GSG1L: variants seen among roughly 807,000 people sequenced by gnomAD.
GSG1L encodes germ cell-specific gene 1-like protein.
Under a neutral mutation model 42.1 loss-of-function variants are expected in GSG1L, and 24 were observed. That is an observed-to-expected ratio of 0.57 (90% confidence interval 0.41 to 0.80). GSG1L has a LOEUF of 0.80. Among genes scored for constraint, GSG1L ranks in the 30% least tolerant of loss-of-function variants. The pLI is 0.00. For synonymous variants in GSG1L, 215 were observed against 203.5 expected, an observed-to-expected ratio of 1.06 and a Z score of -0.48; for missense variants, 445 against 472.2, an observed-to-expected ratio of 0.94 and a Z score of 0.53.
chr16:27,813,246 C>T (rs971113989), intron 5 of GSG1L, among the ~76,000 whole-genome samples: 2 of 152,134 alleles, frequency 1.3e-5, no homozygotes, highest in Middle Eastern at 3.2e-3. Context: ...CTCTTCCCAC[C>T]CTCCACCTTC....
intron 5 of GSG1L, among the ~76,000 whole-genome samples, chr16:27,812,312 C>G (rs1415892476): frequency 1.3e-5 from 2 of 152,072 alleles, no homozygotes; most frequent in African/African-American, 4.8e-5. Context: ...AAGTTTCAGG[C>G]CAGGAGGATA....
intron 1 of GSG1L, among the ~76,000 whole-genome samples, chr16:27,973,439 C>CA (rs71140935): frequency 0.062 from 1,858 of 29,834 alleles, 327 homozygotes; most frequent in Non-Finnish European, 0.083. Context: ...GACCCCATCA[C>CA]AAAAAAAAAA....
At chr16:28,046,318 A>G (rs188151505) in intron 1 of GSG1L, among the ~76,000 whole-genome samples, 8 of 147,168 alleles carry the variant, frequency 5.4e-5, no homozygotes, top group African/African-American at 2.0e-4. Flanking sequence ...AGTGTGCCAC[A>G]TGCATTGAGG....
chr16:27,906,115 A>T (rs1447639219), intron 2 of GSG1L, among the ~76,000 whole-genome samples: 5 of 148,632 alleles, frequency 3.4e-5, no homozygotes, highest in African/African-American at 7.5e-5. Context: ...TTTCAGGTTT[A>T]AAAAAAAAAG....
chr16:28,047,938 G>T (rs1360603037), intron 1 of GSG1L, among the ~76,000 whole-genome samples: 1 of 152,074 alleles, frequency 6.6e-6, no homozygotes, highest in East Asian at 1.9e-4. Context: ...CAATTTAGAG[G>T]CTGGGTGCAG....
intron 4 of GSG1L, among the ~76,000 whole-genome samples, chr16:27,843,711 G>A (rs1232072912): frequency 6.6e-6 from 1 of 152,078 alleles, no homozygotes; most frequent in Non-Finnish European, 1.5e-5. Context: ...CAGACTTTGT[G>A]GTAGCTCACT....
chr16:27,968,051 C>T (rs2085154554), intron 1 of GSG1L, among the ~76,000 whole-genome samples: 1 of 152,068 alleles, frequency 6.6e-6, no homozygotes, highest in Non-Finnish European at 1.5e-5. Context: ...ACACCCGAGG[C>T]CACATTAAAA....
chr16:27,801,384 A>G (rs1490486921), intron 6 of GSG1L, among the ~76,000 whole-genome samples: 3 of 152,220 alleles, frequency 2.0e-5, no homozygotes, highest in African/African-American at 7.2e-5. Flanking sequence ...ATGAGATGGC[A>G]GAGAAGTGCT....
At chr16:27,948,162 A>T (rs1371205698) in intron 2 of GSG1L, among the ~76,000 whole-genome samples, 2 of 152,092 alleles carry the variant, frequency 1.3e-5, no homozygotes, top group African/African-American at 4.8e-5. Flanking sequence ...AAAGGCTAGG[A>T]CTCTGCAGCC....
At chr16:28,012,168 C>T (rs902990456) in intron 1 of GSG1L, among the ~76,000 whole-genome samples, 3 of 152,138 alleles carry the variant, frequency 2.0e-5, no homozygotes, top group African/African-American at 7.2e-5. Flanking sequence ...GGTTTCTGAG[C>T]CCCCAAGGTC....
chr16:27,926,640 G>A (rs186567651), intron 2 of GSG1L, among the ~76,000 whole-genome samples: 221 of 152,244 alleles, frequency 1.5e-3, no homozygotes, highest in Non-Finnish European at 2.4e-3. Flanking sequence ...AGTGAGCTGA[G>A]ATCACATCAC....
At chr16:27,857,772 G>A (rs6498039) in intron 3 of GSG1L, among the ~76,000 whole-genome samples, 57,806 of 151,468 alleles carry the variant, frequency 0.38, 11,105 homozygotes, top group South Asian at 0.43. Context: ...TTTTGTGTCT[G>A]CCTCTCTCTC....
intron 3 of GSG1L, among the ~76,000 whole-genome samples, chr16:27,879,437 C>T (rs1393316627): frequency 1.3e-5 from 2 of 152,010 alleles, no homozygotes; most frequent in Non-Finnish European, 2.9e-5. Context: ...AAGACCTCAT[C>T]TTCACAAAAA....
In GSG1L at chr16:27,888,472, C is replaced by T. The variant is rs1446839335; in HGVS notation, c.398-3834G>A. On this transcript the variant is annotated intron_variant, in intron 2 of 6. Coordinates refer to ENST00000447459, the MANE Select transcript of GSG1L (RefSeq NM_001109763.2). ...TCTTTCTTTCTTTCTTTCTCTCTCTCTCTCTCTTTCCTTTCTTTCTTTCTT... is the reference window on the plus strand; with the variant it reads ...TCTTTCTTTCTTTCTTTCTCTCTCTTTCTCTCTTTCCTTTCTTTCTTTCTT... Among the ~76,000 whole-genome samples, 57 of 61,756 alleles carry T rather than the reference C, an allele frequency of 9.2e-4. 4 individuals are homozygous for T. The highest frequency in any genetic ancestry group is 3.9e-3 in the South Asian group (6 of 1,544). The allele number at this position is 61,756 out of a possible 152,430, so 40.5% of individuals were successfully genotyped here. A position where few individuals can be genotyped will look rare whatever the true frequency, so the allele number is the denominator to read the frequency against.
intron 1 of GSG1L, among the ~76,000 whole-genome samples, chr16:28,028,236 T>C (rs763610988): frequency 6.6e-6 from 1 of 151,244 alleles, no homozygotes; most frequent in African/African-American, 2.5e-5. Flanking sequence ...TGATGGGCCA[T>C]GAAGGCCAAG....
chr16:27,868,336 T>G (rs978296572), intron 3 of GSG1L, among the ~76,000 whole-genome samples: 1 of 152,252 alleles, frequency 6.6e-6, no homozygotes, highest in African/African-American at 2.4e-5. Flanking sequence ...TGCAGGCCAC[T>G]GATTTGCTTC....
chr16:27,888,426 TTCTTTC>T lies in GSG1L; in HGVS notation c.398-3794_398-3789del, dbSNP rs1241122473. On this transcript the variant is annotated intron_variant, in intron 2 of 6. Coordinates refer to ENST00000447459, the MANE Select transcript of GSG1L (RefSeq NM_001109763.2). ...CTTCTTTCTTTCTTTCTTTCTTTCTTTCTTTCTTTCTTTCTTTCTTTCTTTCTTTCT... is the reference window on the plus strand; with the variant it reads ...CTTCTTTCTTTCTTTCTTTCTTTCTTTTTCTTTCTTTCTTTCTTTCTTTCT... Among the ~76,000 whole-genome samples, 193 of 21,026 alleles carry T rather than the reference TTCTTTC, an allele frequency of 9.2e-3. 10 individuals carry two copies. The highest frequency in any genetic ancestry group is 0.018 in the African/African-American group (188 of 10,276). The allele number at this position is 21,026 out of a possible 152,430, so 13.8% of individuals were successfully genotyped here. A position where few individuals can be genotyped will look rare whatever the true frequency, so the allele number is the denominator to read the frequency against.
At chr16:27,931,181 G>A (rs986608510) in intron 2 of GSG1L, among the ~76,000 whole-genome samples, 2 of 152,160 alleles carry the variant, frequency 1.3e-5, no homozygotes, top group African/African-American at 4.8e-5. Flanking sequence ...TCTTCGTGGG[G>A]CCAATCAAAG....
intron 3 of GSG1L, among the ~76,000 whole-genome samples, chr16:27,870,251 CTCTG>C (rs1414762080): frequency 6.7e-6 from 1 of 149,004 alleles, no homozygotes; most frequent in Non-Finnish European, 1.5e-5. Flanking sequence ...CTCTCTCTGT[CTCTG>C]TCTCCCTCCA....
Sources: allele counts gnomAD v4.1 joint callset (sites outside exome capture counted in the v4.1 genomes callset), GRCh38; gene constraint gnomAD v4.1.1; transcripts MANE v1.5; gene names NCBI Gene and HGNC (gene_info 2026-07-23, HGNC 2026-07-21).